Variants in ANO2 observed in about 807,000 individuals in gnomAD.
The protein encoded by ANO2 is anoctamin 2.
Under a neutral mutation model 124.2 loss-of-function variants are expected in ANO2, and 101 were observed. That is an observed-to-expected ratio of 0.81 (90% CI 0.69 to 0.96). The LOEUF is 0.96. ANO2 is among the 40% of genes least tolerant of loss of function. The pLI is 0.00. For missense variants in ANO2, 1,293 were observed against 1,274.5 expected (o/e 1.01, Z -0.22); for synonymous variants, 486 against 482.5 (o/e 1.01, Z -0.09).
chr12:5,649,752 A>G (rs1274846977), intron 14 of ANO2, among the ~76,000 whole-genome samples: 1 of 151,952 alleles, frequency 6.6e-6, no homozygotes, highest in Non-Finnish European at 1.5e-5. Flanking sequence ...CTACAGGCAC[A>G]TGCCACGATG....
chr12:5,680,477 T>C (rs1274227126), intron 14 of ANO2, among the ~76,000 whole-genome samples: 1 of 152,124 alleles, frequency 6.6e-6, no homozygotes, highest in Non-Finnish European at 1.5e-5. Context: ...GAATGGAAGA[T>C]ACTCAAGCAA....
chr12:5,896,981 T>C (rs1381700055), intron 3 of ANO2, among the ~76,000 whole-genome samples: 1 of 152,162 alleles, frequency 6.6e-6, no homozygotes, highest in East Asian at 1.9e-4. Flanking sequence ...GCAACAGAAA[T>C]GTTGAACATA....
intron 15 of ANO2, among the ~76,000 whole-genome samples, chr12:5,644,652 C>T (rs1317053244): frequency 1.3e-5 from 2 of 152,180 alleles, no homozygotes; most frequent in South Asian, 2.1e-4. Context: ...CACATATTTA[C>T]CACTTTAAAA....
At chr12:5,879,107 G>A (rs921370323) in intron 3 of ANO2, among the ~76,000 whole-genome samples, 6 of 152,210 alleles carry the variant, frequency 3.9e-5, no homozygotes, top group African/African-American at 1.4e-4. Context: ...GAAGCTGTCT[G>A]CATTTCCTGC....
chr12:5,898,262 T>C lies in ANO2; in HGVS notation c.534+22778A>G, dbSNP rs1028630010. Among the ~76,000 whole-genome samples the C allele has an allele frequency of 7.2e-5, 11 of 152,188 alleles. 1 individual carries two copies. In the South Asian group the frequency reaches 1.9e-3, roughly 26 times the overall value. On this transcript the variant is annotated intron_variant, in intron 3 of 24. Transcript: ENST00000682330. The stretch of plus-strand genomic sequence containing the variant: ...GACAATATTAAGTGTTGGTAGGATG[T>C]AGGGAAACTGGAACTCTCCTACACT...
At position 5,921,333 on chromosome 12, in the gene ANO2, C is replaced by T. The variant is rs767542308; in HGVS notation, c.241G>A (p.Val81Met). The part of the protein sequence containing the change: ...INNYLDANEP[V>M]SLEARLSRMH... Reference sequence around the variant, plus strand: ...CGGCTAAGACGGGCCTCCAAGGACACAGGCTCATTGGCATCCAGATAGTTG... The same window carrying T: ...CGGCTAAGACGGGCCTCCAAGGACATAGGCTCATTGGCATCCAGATAGTTG... Residue 81 changes from valine (V) to methionine (M), a missense_variant, in exon 3 of 25, where the codon GTG becomes ATG. Physicochemically the swap from Val to Met is conservative, Grantham distance 21. Transcript: ENST00000682330. 1.2e-6 allele frequency: 2 copies of T among 1,613,922 alleles called. No homozygotes were observed. Among genetic ancestry groups the T allele is most frequent in the Non-Finnish European group, 1.7e-6 (2 of 1,179,868 alleles).
At chr12:5,731,283 G>A (rs1188500445) in intron 14 of ANO2, among the ~76,000 whole-genome samples, 2 of 151,928 alleles carry the variant, frequency 1.3e-5, no homozygotes, top group African/African-American at 4.8e-5. Context: ...ATAATTGGTG[G>A]TCTTGGACTT....
intron 14 of ANO2, among the ~76,000 whole-genome samples, chr12:5,690,120 T>C (rs1948869154): frequency 6.6e-6 from 1 of 152,106 alleles, no homozygotes; most frequent in Non-Finnish European, 1.5e-5. Context: ...GTTGACTGGC[T>C]GGAGTTAATG....
At chr12:5,603,350 G>A (rs1944033940) in intron 19 of ANO2, among the ~76,000 whole-genome samples, 1 of 152,192 alleles carries the variant, frequency 6.6e-6, no homozygotes, top group South Asian at 2.1e-4. Flanking sequence ...GTTATAAAGG[G>A]AGAAGTTTAG....
At chr12:5,759,841 A>G (rs557124572) in intron 10 of ANO2, among the ~76,000 whole-genome samples, 62 of 152,232 alleles carry the variant, frequency 4.1e-4, no homozygotes, top group African/African-American at 1.4e-3. Flanking sequence ...AATGAAGGCA[A>G]AACAATGTCT....
intron 3 of ANO2, among the ~76,000 whole-genome samples, chr12:5,917,943 A>C (rs1211315297): frequency 2.6e-5 from 4 of 152,138 alleles, no homozygotes; most frequent in African/African-American, 9.7e-5. Context: ...ATGAGCTAGT[A>C]AGTCAGGCCT....
At chr12:5,826,188 G>GA (rs1856597069) in intron 7 of ANO2, among the ~76,000 whole-genome samples, 2 of 152,090 alleles carry the variant, frequency 1.3e-5, no homozygotes, top group African/African-American at 2.4e-5. Flanking sequence ...TGCATTTCCG[G>GA]TTGTACGAAG....
At chr12:5,701,895 T>C (rs1949418182) in intron 14 of ANO2, among the ~76,000 whole-genome samples, 1 of 152,246 alleles carries the variant, frequency 6.6e-6, no homozygotes, top group Non-Finnish European at 1.5e-5. Flanking sequence ...TCTGTTCAAC[T>C]TTCTTCTCAC....
At chr12:5,850,845 A>G (rs1481911825) in intron 4 of ANO2, among the ~76,000 whole-genome samples, 3 of 152,206 alleles carry the variant, frequency 2.0e-5, no homozygotes, top group African/African-American at 7.2e-5. Flanking sequence ...AGAATTGAGA[A>G]TACACATTAA....
At chr12:5,683,647 C>A (rs1450091138) in intron 14 of ANO2, among the ~76,000 whole-genome samples, 1 of 152,042 alleles carries the variant, frequency 6.6e-6, no homozygotes, top group South Asian at 2.1e-4. Context: ...GTCGCCATAC[C>A]GTTTACTTAT....
intron 15 of ANO2, among the ~76,000 whole-genome samples, chr12:5,645,618 A>T (rs1946601529): frequency 1.3e-5 from 2 of 152,164 alleles, no homozygotes; most frequent in Non-Finnish European, 2.9e-5. Context: ...GTATATTTTT[A>T]AGGTTGCTGT....
chr12:5,596,507 T>C (rs1205419222), intron 20 of ANO2, among the ~76,000 whole-genome samples: 1 of 152,212 alleles, frequency 6.6e-6, no homozygotes, highest in Non-Finnish European at 1.5e-5. Context: ...AAGATTGTTT[T>C]ATTCATTTTA....
rs570624691 is a variant in ANO2 at position 5,919,049 on chromosome 12, C to T, written c.534+1991G>A. On this transcript the variant is annotated intron_variant, in intron 3 of 24. Transcript: ENST00000682330. Reference sequence around the variant, plus strand: ...GGATGTGCAGCGAGCCAAACAAGATCTCTGCCTTCATGGAGCTAGTGGGAG... The same window carrying T: ...GGATGTGCAGCGAGCCAAACAAGATTTCTGCCTTCATGGAGCTAGTGGGAG... Among the ~76,000 whole-genome samples the T allele has an allele frequency of 3.3e-5, 5 of 152,310 alleles. No individual in the cohort carries two copies. The South Asian group carries it at 1.0e-3, about 32-fold the overall frequency.
At position 5,882,130 on chromosome 12, in the gene ANO2, G is replaced by A. The variant is rs78608295; in HGVS notation, c.535-27989C>T. On this transcript the variant is annotated intron_variant, in intron 3 of 24. Transcript: ENST00000682330. ...GAGTCATTAAGAACAGCAAGGAAAG[G>A]AACAGTCAAAAGCATTTCTAGGTTC... 4.4e-3 allele frequency among the ~76,000 whole-genome samples: 666 copies of A among 152,216 alleles called. 4 individuals carry two copies. Among genetic ancestry groups the A allele is most frequent in the Middle Eastern group, 0.01 (3 of 294 alleles).
Sources: allele counts gnomAD v4.1 joint callset (sites outside exome capture counted in the v4.1 genomes callset), GRCh38; gene constraint gnomAD v4.1.1; transcripts MANE v1.5; gene names NCBI Gene and HGNC (gene_info 2026-07-23, HGNC 2026-07-21).